The following TMEM26 variants were observed in gnomAD, a reference collection of about 807,000 sequenced individuals.
TMEM26 encodes the protein transmembrane protein 26.
A neutral mutation model predicts 28.8 loss-of-function variants in TMEM26; 38 were observed. That is an observed-to-expected ratio of 1.32 (90% CI 1.02 to 1.73). The LOEUF (loss-of-function observed/expected upper bound fraction) is 1.73, where lower values mean the gene tolerates loss of function less well. Ranked by LOEUF, TMEM26 falls within the 40% of genes most tolerant of loss-of-function variation. The pLI, the probability that TMEM26 is intolerant of heterozygous loss-of-function variation, is 0.00. For synonymous variants in TMEM26, 227 were observed against 182.9 expected (o/e 1.24, Z -1.95); for missense variants, 518 against 447.1 (o/e 1.16, Z -1.43).
chr10:61,440,035 T>C (rs2135325761), intron 1 of TMEM26, among the ~76,000 whole-genome samples: 1 of 152,166 alleles, frequency 6.6e-6, no homozygotes, highest in East Asian at 1.9e-4. Flanking sequence ...AGGTCAGGAG[T>C]TCGCGACCAG....
chr10:61,422,178 A>G (rs1839760802), intron 4 of TMEM26, among the ~76,000 whole-genome samples: 1 of 152,168 alleles, frequency 6.6e-6, no homozygotes, highest in Admixed American at 6.6e-5. Flanking sequence ...ACAGTATTTA[A>G]AAGAGAAACA....
chr10:61,453,224 G>T lies in TMEM26; in HGVS notation c.-143C>A, dbSNP rs771592865. 1.1e-5 allele frequency: 9 copies of T among 815,654 alleles called. No homozygotes were observed. Among genetic ancestry groups the T allele is most frequent in the Non-Finnish European group, 1.7e-5 (9 of 530,064 alleles). 50.5% of individuals were successfully genotyped at this position (815,654 alleles called of 1,614,324 possible). On this transcript the variant is annotated 5_prime_UTR_variant, in exon 1 of 6. Transcript: ENST00000399298. ...TGGTCCCTTCTCACCCTCAGCGCCC[G>T]ATGCCGGTAGAACTGGTGCGCGGCT...
At chr10:61,430,963 ATCT>A (rs1839911605) in intron 3 of TMEM26, among the ~76,000 whole-genome samples, 1 of 152,058 alleles carries the variant, frequency 6.6e-6, no homozygotes, top group Admixed American at 6.6e-5. Flanking sequence ...TGCACATATT[ATCT>A]TCTTTATGTG....
intron 1 of TMEM26, among the ~76,000 whole-genome samples, chr10:61,445,675 A>G (rs1167632953): frequency 6.7e-6 from 1 of 148,338 alleles, no homozygotes; most frequent in African/African-American, 2.6e-5. Context: ...GCCTACATTA[A>G]ATTTTTTTTT....
At chr10:61,428,849 A>G in intron 4 of TMEM26, 77 bp downstream of exon 4, 1 of 1,256,232 alleles carries the variant, frequency 8.0e-7, no homozygotes, top group Non-Finnish European at 1.1e-6. Context: ...CATGTGAAAT[A>G]CAAGTCACAG....
At chr10:61,450,821 A>G (rs986634470) in intron 1 of TMEM26, among the ~76,000 whole-genome samples, 2 of 152,158 alleles carry the variant, frequency 1.3e-5, no homozygotes, top group African/African-American at 4.8e-5. Flanking sequence ...TAGTCACTCA[A>G]GTAAATTTGT....
At chr10:61,415,025 A>T in intron 4 of TMEM26, 4 of 985,298 alleles carry the variant, frequency 4.1e-6, no homozygotes, top group Non-Finnish European at 4.8e-6. Context: ...ATTCTTTTCT[A>T]CTTCACATTT....
intron 1 of TMEM26, among the ~76,000 whole-genome samples, chr10:61,443,504 T>C (rs1056992520): frequency 6.6e-6 from 1 of 151,598 alleles, no homozygotes; most frequent in African/African-American, 2.4e-5. Flanking sequence ...ATAGGTTTGT[T>C]TATTCAGTGA....
chr10:61,428,222 T>C (rs1030176382), intron 4 of TMEM26, among the ~76,000 whole-genome samples: 3 of 152,118 alleles, frequency 2.0e-5, no homozygotes, highest in African/African-American at 7.2e-5. Context: ...TTAAAGTATA[T>C]TCAGGCACTG....
intron 4 of TMEM26, among the ~76,000 whole-genome samples, chr10:61,423,768 A>G (rs920260019): frequency 1.3e-5 from 2 of 152,176 alleles, no homozygotes; most frequent in Admixed American, 6.6e-5. Flanking sequence ...ATAATAAAGT[A>G]GAATTTATCT....
intron 5 of TMEM26, among the ~76,000 whole-genome samples, 189 bp from the exon 6 acceptor site, chr10:61,410,935 C>A (rs1839559507): frequency 6.6e-6 from 1 of 152,108 alleles, no homozygotes; most frequent in South Asian, 2.1e-4. Flanking sequence ...AGCACCCTGC[C>A]CTGTGACTCG....
intron 1 of TMEM26, among the ~76,000 whole-genome samples, chr10:61,447,059 T>C (rs1282238959): frequency 6.6e-6 from 1 of 152,134 alleles, no homozygotes; most frequent in Non-Finnish European, 1.5e-5. Context: ...AAGAGAGATT[T>C]CAGGCAACTT....
intron 4 of TMEM26, among the ~76,000 whole-genome samples, chr10:61,423,775 A>T (rs1839785909): frequency 6.6e-6 from 1 of 152,164 alleles, no homozygotes. Context: ...AGTAGAATTT[A>T]TCTCAGGAAG....
At chr10:61,415,674 C>A (rs1839639714) in intron 4 of TMEM26, among the ~76,000 whole-genome samples, 1 of 152,028 alleles carries the variant, frequency 6.6e-6, no homozygotes, top group Admixed American at 6.6e-5. Flanking sequence ...CTCCTTTGGA[C>A]ATTACATTAT....
At chr10:61,422,130 CTACA>C (rs914260124) in intron 4 of TMEM26, among the ~76,000 whole-genome samples, 59 of 152,074 alleles carry the variant, frequency 3.9e-4, no homozygotes, top group African/African-American at 1.4e-3. Flanking sequence ...TTTTGCACAC[CTACA>C]TACAGAGCCC....
chr10:61,416,213 A>G, intron 4 of TMEM26: 1 of 403,816 alleles, frequency 2.5e-6, no homozygotes, highest in Non-Finnish European at 4.9e-6. Flanking sequence ...AGTTTCATCT[A>G]ATCCCAAACT....
At chr10:61,431,917 G>T (rs1025505554) in intron 2 of TMEM26, among the ~76,000 whole-genome samples, 2 of 151,870 alleles carry the variant, frequency 1.3e-5, no homozygotes, top group Non-Finnish European at 2.9e-5. Context: ...GGTGTCTGTT[G>T]TTCCTATCTT....
In TMEM26 at chr10:61,410,518, A is replaced by C; in HGVS notation, c.911T>G (p.Leu304Trp). Residue 304 changes from leucine to tryptophan, a missense_variant, in exon 6 of 6, where the codon TTG becomes TGG. Coordinates refer to ENST00000399298, the MANE Select transcript of TMEM26 (RefSeq NM_178505.8). ...ACGGACTGCCAATGCCAGCACCACC[A>C]AGCGGTAGAGTTGCAACACCACCAC... ...FLVVVLQLYR[L>W]VVLALAVRAS... 6.2e-7 allele frequency: 1 copy of C among 1,614,148 alleles called. No individual in the cohort carries two copies. Among genetic ancestry groups the C allele is most frequent in the Non-Finnish European group, 8.5e-7 (1 of 1,180,022 alleles).
chr10:61,444,502 C>T (rs1840146699), intron 1 of TMEM26, among the ~76,000 whole-genome samples: 1 of 151,864 alleles, frequency 6.6e-6, no homozygotes, highest in Non-Finnish European at 1.5e-5. Context: ...CCTTTTATGT[C>T]CTGTTTTGGT....
Sources: gnomAD v4.1 joint callset for allele counts (sites outside exome capture counted in the v4.1 genomes callset) on GRCh38, gnomAD v4.1.1 for gene constraint, MANE v1.5 for transcripts, NCBI Gene and HGNC (gene_info 2026-07-23, HGNC 2026-07-21) for gene names.